Variants in TUSC3 observed in about 807,000 individuals in gnomAD.
The protein encoded by TUSC3 is dolichyl-diphosphooligosaccharide--protein glycosyltransferase subunit TUSC3.
In TUSC3, 45 loss-of-function variants were observed where a neutral mutation model predicts 44.8. The ratio of observed to expected loss-of-function variants is 1.00; its 90% CI spans 0.79 to 1.29. TUSC3 has a LOEUF of 1.29. Ranked by LOEUF, TUSC3 falls within the 50% of genes most tolerant of loss-of-function variation. The pLI is 0.00. For synonymous variants in TUSC3, 212 were observed against 152.9 expected (o/e 1.39, Z -2.85); for missense variants, 519 against 437.9 (o/e 1.19, Z -1.65).
chr8:15,739,934 G>A lies in TUSC3; in HGVS notation c.863-3604G>A, dbSNP rs79397678. Among the ~76,000 whole-genome samples the A allele has an allele frequency of 5.0e-3, 751 of 151,434 alleles. 23 individuals carry two copies. The highest frequency in any genetic ancestry group is 0.035 in the East Asian group (181 of 5,112). On this transcript the variant is annotated intron_variant, in intron 7 of 10. Transcript: ENST00000503731. ...TCAGTTTCCTTGTTTGTAAACAGAT[G>A]GTAATGTCTACATCAGAGAGTTATT...
intron 9 of TUSC3, among the ~76,000 whole-genome samples, chr8:15,749,304 A>T (rs569742762): frequency 6.6e-6 from 1 of 152,266 alleles, no homozygotes; most frequent in South Asian, 2.1e-4. Flanking sequence ...ACCTGTGAGC[A>T]GTGGACATTT....
chr8:15,614,901 C>CTTTCACTATATATA (rs1804923499), intron 1 of TUSC3, among the ~76,000 whole-genome samples: 1 of 133,762 alleles, frequency 7.5e-6, no homozygotes, highest in African/African-American at 2.8e-5. Flanking sequence ...TGAAAGTATA[C>CTTTCACTATATATA]AAGTACAGCT....
intron 6 of TUSC3, among the ~76,000 whole-genome samples, chr8:15,675,434 G>C (rs1208888168): frequency 6.6e-6 from 1 of 151,662 alleles, no homozygotes; most frequent in Non-Finnish European, 1.5e-5. Flanking sequence ...GAGGGTTTCA[G>C]ACTTTTTTTT....
At chr8:15,785,243 A>G in the TUSC3 span, among the ~76,000 whole-genome samples, 1 of 151,994 alleles carries the variant, frequency 6.6e-6, no homozygotes, top group Non-Finnish European at 1.5e-5. Flanking sequence ...AAGATCTGTT[A>G]CCTATATAGA....
rs1438774631 is a variant in TUSC3, at chr8:15,663,479, A to G, written c.708+1183A>G. ...TAGGGGTCTTGATGACTAAGTTGGA[A>G]GTGATAGGACAGACTGAGAAGCAGC... On this transcript the variant is annotated intron_variant, in intron 5 of 10. Coordinates refer to ENST00000503731, the MANE Select transcript of TUSC3 (RefSeq NM_006765.4). 2.0e-5 allele frequency among the ~76,000 whole-genome samples: 3 copies of G among 151,800 alleles called. No homozygotes were observed. The East Asian group carries it at 5.8e-4, about 29-fold the overall frequency.
chr8:15,530,107 T>A (rs895078666), intron 2 of TUSC3, among the ~76,000 whole-genome samples: 2 of 151,988 alleles, frequency 1.3e-5, no homozygotes, highest in African/African-American at 4.8e-5. Flanking sequence ...TACACTCCTG[T>A]ATTACATCAT....
the TUSC3 span, chr8:15,807,235 C>A: frequency 6.0e-6 from 4 of 664,072 alleles, no homozygotes; most frequent in South Asian, 3.2e-5. Flanking sequence ...TTACCCCACC[C>A]CCAGGCATTA....
chr8:15,822,263 A>C, the TUSC3 span, among the ~76,000 whole-genome samples: 1 of 152,188 alleles, frequency 6.6e-6, no homozygotes, highest in East Asian at 1.9e-4. Flanking sequence ...AAGTGGAGAG[A>C]TCAAATTAGC....
At chr8:15,806,639 T>G in the TUSC3 span, 2 of 1,345,496 alleles carry the variant, frequency 1.5e-6, no homozygotes, top group African/African-American at 1.4e-5. Context: ...GTCATGGACT[T>G]CAGGCTCTGG....
intron 2 of TUSC3, among the ~76,000 whole-genome samples, chr8:15,534,935 A>G (rs532983094): frequency 6.6e-6 from 1 of 152,166 alleles, no homozygotes; most frequent in Admixed American, 6.5e-5. Context: ...GGATTGGCCA[A>G]TACTCAGCTG....
chr8:15,671,291 T>C (rs1416159354), intron 5 of TUSC3, among the ~76,000 whole-genome samples: 2 of 152,012 alleles, frequency 1.3e-5, no homozygotes, highest in Non-Finnish European at 2.9e-5. Context: ...GCTGTAACTA[T>C]GAATCATGCC....
chr8:15,423,438 G>C lies in TUSC3; in HGVS notation n.91+6133G>C, dbSNP rs182764558. Among the ~76,000 whole-genome samples the C allele has an allele frequency of 2.6e-5, 4 of 152,258 alleles. No individual in the cohort carries two copies. In the East Asian group the frequency reaches 7.7e-4, roughly 29 times the overall value. On this transcript the variant is annotated intron_variant and non_coding_transcript_variant, in intron 1 of 5. Transcript: ENST00000503191. ...ACCTAGTGCGTTCCATAAGTCTGTC[G>C]TAAGTTCAGCCTCTTTGGGAATCAG...
chr8:15,564,413 A>G (rs747913824), intron 1 of TUSC3, among the ~76,000 whole-genome samples: 7 of 152,154 alleles, frequency 4.6e-5, no homozygotes, highest in Non-Finnish European at 1.0e-4. Flanking sequence ...AAATTGTGGA[A>G]TCCACTGTCT....
chr8:15,490,813 C>T (rs1463071299), intron 2 of TUSC3, among the ~76,000 whole-genome samples: 1 of 152,202 alleles, frequency 6.6e-6, no homozygotes, highest in Non-Finnish European at 1.5e-5. Flanking sequence ...ACTTCACAAG[C>T]TAGATTTGTG....
At chr8:15,420,276 C>A (rs1237321406) in intron 1 of TUSC3, among the ~76,000 whole-genome samples, 1 of 152,002 alleles carries the variant, frequency 6.6e-6, no homozygotes, top group Non-Finnish European at 1.5e-5. Context: ...GCAGGCAGAT[C>A]ACTTGAGGTC....
intron 7 of TUSC3, among the ~76,000 whole-genome samples, chr8:15,738,823 C>CTTTCTTTTTTT (rs1216874000): frequency 1.0e-5 from 1 of 95,682 alleles, no homozygotes; most frequent in African/African-American, 4.6e-5. Context: ...ATTAATATAT[C>CTTTCTTTTTTT]TTGCTTTTTT....
chr8:15,768,357 G>T (rs1812383927), downstream of TUSC3, among the ~76,000 whole-genome samples: 1 of 152,088 alleles, frequency 6.6e-6, no homozygotes, highest in Admixed American at 6.6e-5. Flanking sequence ...AGTTTCCAGA[G>T]TTGCCACATT....
At chr8:15,794,283 C>T in the TUSC3 span, among the ~76,000 whole-genome samples, 2 of 152,052 alleles carry the variant, frequency 1.3e-5, no homozygotes, top group African/African-American at 2.4e-5. Flanking sequence ...TAAGTCTTTC[C>T]ACAATAACAC....
chr8:15,709,468 AT>A (rs1809751611), intron 6 of TUSC3, among the ~76,000 whole-genome samples: 1 of 151,800 alleles, frequency 6.6e-6, no homozygotes, highest in Non-Finnish European at 1.5e-5. Context: ...TCTTATATGT[AT>A]TTTATGCCTT....
Sources: gnomAD v4.1 joint callset for allele counts (sites outside exome capture counted in the v4.1 genomes callset) on GRCh38, gnomAD v4.1.1 for gene constraint, MANE v1.5 for transcripts, NCBI Gene and HGNC (gene_info 2026-07-23, HGNC 2026-07-21) for gene names.